Variants in FMN2 observed in about 807,000 individuals in gnomAD.
FMN2 encodes formin 2, also known as formin-2.
Under a neutral mutation model 142.3 loss-of-function variants are expected in FMN2, and 51 were observed. The observed-to-expected ratio is 0.36, with a 90% CI of 0.29 to 0.45. FMN2 has a LOEUF of 0.45. Among genes scored for constraint, FMN2 ranks in the 20% least tolerant of loss-of-function variants. The pLI, the probability that FMN2 is intolerant of heterozygous loss-of-function variation, is 1.00. For synonymous variants in FMN2, 882 were observed against 869.8 expected, an observed-to-expected ratio of 1.01 and a Z score of -0.25; for missense variants, 1,936 against 2,122.8, an observed-to-expected ratio of 0.91 and a Z score of 1.73.
chr1:240,361,588 T>C (rs1041541972), intron 14 of FMN2, among the ~76,000 whole-genome samples: 3 of 152,062 alleles, frequency 2.0e-5, no homozygotes, highest in Non-Finnish European at 4.4e-5. Context: ...GGTGTCTAGA[T>C]TTTAGGTTTG....
chr1:240,302,739 A>T (rs1670245858), intron 8 of FMN2, among the ~76,000 whole-genome samples: 1 of 152,084 alleles, frequency 6.6e-6, no homozygotes, highest in Admixed American at 6.6e-5. Context: ...CAACCATCAG[A>T]CACATTAATG....
chr1:240,189,853 C>T (rs144037380), intron 4 of FMN2, among the ~76,000 whole-genome samples: 7 of 138,060 alleles, frequency 5.1e-5, no homozygotes, highest in African/African-American at 2.0e-4. Context: ...AGATAGTACC[C>T]TCAAATCTTC....
chr1:240,277,339 T>TG (rs1463640236), intron 7 of FMN2, among the ~76,000 whole-genome samples: 1 of 152,010 alleles, frequency 6.6e-6, no homozygotes. Context: ...TTTTAAAATC[T>TG]GGTATGATCA....
intron 16 of FMN2, among the ~76,000 whole-genome samples, chr1:240,441,306 A>G (rs1054052021): frequency 3.3e-5 from 5 of 152,036 alleles, no homozygotes; most frequent in Non-Finnish European, 7.4e-5. Context: ...TGTAAACTTT[A>G]TATTTTCTAT....
At chr1:240,412,647 A>C (rs1444246591) in intron 15 of FMN2, among the ~76,000 whole-genome samples, 1 of 152,176 alleles carries the variant, frequency 6.6e-6, no homozygotes, top group Non-Finnish European at 1.5e-5. Flanking sequence ...AAACTTTAAA[A>C]AAAAAAGTGT....
intron 9 of FMN2, 44 bp from the exon 10 acceptor site, chr1:240,329,295 A>T (rs780901522): frequency 3.1e-6 from 5 of 1,604,068 alleles, no homozygotes; most frequent in Admixed American, 1.7e-5. Flanking sequence ...ACATCTGTTT[A>T]TGTGAATTAT....
At chr1:240,134,591 C>T (rs190019293) in intron 2 of FMN2, among the ~76,000 whole-genome samples, 315 of 152,084 alleles carry the variant, frequency 2.1e-3, no homozygotes, top group African/African-American at 6.1e-3. Context: ...TGCACTTCCA[C>T]CTGGGCAATA....
chr1:240,376,442 A>G (rs1673046350), intron 14 of FMN2, among the ~76,000 whole-genome samples: 1 of 151,594 alleles, frequency 6.6e-6, no homozygotes. Context: ...GTATTTTTTA[A>G]TATAATCGGC....
chr1:240,377,465 T>C (rs1354323552), intron 14 of FMN2, among the ~76,000 whole-genome samples: 1 of 152,218 alleles, frequency 6.6e-6, no homozygotes, highest in Non-Finnish European at 1.5e-5. Flanking sequence ...AAATTTGTAA[T>C]TTCTTCAGGT....
chr1:240,283,950 G>A (rs374476377), intron 7 of FMN2, among the ~76,000 whole-genome samples: 2 of 152,096 alleles, frequency 1.3e-5, no homozygotes, highest in African/African-American at 4.8e-5. Flanking sequence ...ATGATCCATC[G>A]GCATTGTGCA....
intron 7 of FMN2, among the ~76,000 whole-genome samples, chr1:240,263,938 T>G (rs557439900): frequency 1.1e-4 from 16 of 152,312 alleles, no homozygotes; most frequent in African/African-American, 3.8e-4. Context: ...CTATCCTGTT[T>G]AAACATGATT....
chr1:240,370,287 T>A (rs1301042423), intron 14 of FMN2, among the ~76,000 whole-genome samples: 1 of 152,176 alleles, frequency 6.6e-6, no homozygotes, highest in Non-Finnish European at 1.5e-5. Context: ...CTTTTTGATA[T>A]CTATAGTCTT....
chr1:240,164,207 T>TA (rs1664390171), intron 2 of FMN2, among the ~76,000 whole-genome samples: 1 of 152,208 alleles, frequency 6.6e-6, no homozygotes, highest in African/African-American at 2.4e-5. Flanking sequence ...GCTTATCTTT[T>TA]AAAACTGCAT....
At chr1:240,332,677 G>A (rs775772111) in intron 11 of FMN2, among the ~76,000 whole-genome samples, 5 of 152,060 alleles carry the variant, frequency 3.3e-5, no homozygotes, top group Admixed American at 6.5e-5. Context: ...CAAGAAATAC[G>A]TTTTTAAAAT....
intron 15 of FMN2, among the ~76,000 whole-genome samples, chr1:240,431,551 G>A (rs557540132): frequency 1.3e-5 from 2 of 151,000 alleles, no homozygotes; most frequent in Non-Finnish European, 3.0e-5. Context: ...TTTTATTTCT[G>A]AACTAAAAAG....
intron 13 of FMN2, among the ~76,000 whole-genome samples, chr1:240,350,186 T>C (rs1672043790): frequency 1.3e-5 from 2 of 152,234 alleles, no homozygotes; most frequent in South Asian, 4.1e-4. Context: ...CATTCTATTT[T>C]TACATTTATC....
At chr1:240,121,735 TAAAAAAAAAAAAAAA>T (rs71168898) in intron 1 of FMN2, among the ~76,000 whole-genome samples, 143 of 25,672 alleles carry the variant, frequency 5.6e-3, no homozygotes, top group Non-Finnish European at 6.7e-3. Context: ...AGGGAAATAG[TAAAAAAAAAAAAAAA>T]AAAAAAAAAA....
intron 8 of FMN2, among the ~76,000 whole-genome samples, chr1:240,311,813 T>C (rs951337372): frequency 1.3e-5 from 2 of 152,192 alleles, no homozygotes; most frequent in African/African-American, 4.8e-5. Context: ...TTCTTATATG[T>C]CGTTCCTGTT....
intron 6 of FMN2, among the ~76,000 whole-genome samples, chr1:240,214,053 T>A (rs557166573): frequency 1.3e-5 from 2 of 152,354 alleles, no homozygotes; most frequent in South Asian, 4.1e-4. Context: ...TCATGGAGCA[T>A]GGATTTAAGT....
Sources: gnomAD v4.1 joint callset for allele counts (sites outside exome capture counted in the v4.1 genomes callset) on GRCh38, gnomAD v4.1.1 for gene constraint, MANE v1.5 for transcripts, NCBI Gene and HGNC (gene_info 2026-07-23, HGNC 2026-07-21) for gene names.